The following SMG5 variants were observed in gnomAD, a reference collection of about 807,000 sequenced individuals.
The protein encoded by SMG5 is nonsense-mediated mRNA decay factor SMG5.
A neutral mutation model predicts 122.9 loss-of-function variants in SMG5; 53 were observed. The observed-to-expected ratio is 0.43, with a 90% CI of 0.35 to 0.54. The LOEUF is 0.54. Ranked by LOEUF, SMG5 falls within the 20% of genes least tolerant of loss-of-function variation. The probability of loss-of-function intolerance (pLI) is 0.01; values close to 1 mark genes in which losing one functional copy is unlikely to be tolerated. For missense variants in SMG5, 1,153 were observed against 1,285.6 expected, an observed-to-expected ratio of 0.90 and a Z score of 1.58; for synonymous variants, 477 against 490.2, an observed-to-expected ratio of 0.97 and a Z score of 0.35.
intron 13 of SMG5, among the ~76,000 whole-genome samples, chr1:156,262,515 C>A (rs1023403916): frequency 1.3e-5 from 2 of 149,122 alleles, no homozygotes; most frequent in African/African-American, 5.0e-5. Context: ...AGCAGCGAAA[C>A]CACAAGGACT....
chr1:156,286,601 GA>G (rs1292613654), upstream of SMG5: 2 of 906,118 alleles, frequency 2.2e-6, no homozygotes, highest in African/African-American at 3.3e-5. Flanking sequence ...GTGCCCTGGG[GA>G]GATAAGTCCA....
intron 16 of SMG5, among the ~76,000 whole-genome samples, chr1:156,254,332 T>C (rs775087974): frequency 7.9e-5 from 12 of 152,210 alleles, no homozygotes; most frequent in Non-Finnish European, 1.5e-4. Flanking sequence ...CTGATGCCTT[T>C]CCTCTGTATT....
chr1:156,267,577 C>T lies in SMG5; in HGVS notation c.1010G>A (p.Ser337Asn). 2.5e-6 allele frequency: 4 copies of T among 1,614,088 alleles called. No individual in the cohort carries two copies. The highest frequency in any genetic ancestry group is 1.1e-5 in the South Asian group (1 of 91,070). Residue 337 changes from serine (S) to asparagine (N), a missense_variant, in exon 10 of 22, where the codon AGT (serine) becomes AAT (asparagine). Coordinates refer to ENST00000361813, the MANE Select transcript of SMG5 (RefSeq NM_015327.3). ...ACTCTCATACTCCTCCTCATCCTCACTGGCCAGGCTGAGGTTGGGTGAGGA... is the reference window on the plus strand; with the variant it reads ...ACTCTCATACTCCTCCTCATCCTCATTGGCCAGGCTGAGGTTGGGTGAGGA... ...LPSSPNLSLA[S>N]EDEEEYESGY...
Position 156,261,396 on chromosome 1 carries a change from G to A in SMG5, c.2044C>T (p.Leu682=). Residue 682 remains leucine (L), a synonymous_variant, in exon 14 of 22, where the codon CTG becomes TTG. Transcript: ENST00000361813. ...IIVCAQSSQS[L]WNRLSVLLNL... is the part of the protein sequence containing the mutation. Reference sequence around the variant, plus strand: ...AGCAACACAGACAGGCGGTTCCACAGACTTTGAGAGCTCTGGGGAGAGAGA... The same window carrying A: ...AGCAACACAGACAGGCGGTTCCACAAACTTTGAGAGCTCTGGGGAGAGAGA... The A allele has an allele frequency of 6.2e-7, 1 of 1,614,142 alleles. No homozygotes were observed. Among genetic ancestry groups the A allele is most frequent in the South Asian group, 1.1e-5 (1 of 91,078 alleles).
intron 14 of SMG5, 125 bp downstream of exon 14, chr1:156,261,208 G>C: frequency 1.1e-6 from 1 of 873,024 alleles, no homozygotes; most frequent in Non-Finnish European, 1.9e-6. Context: ...CTGTGTGCTA[G>C]GGAGGCTGGC....
In SMG5 at chr1:156,268,298, G is replaced by A. The variant is rs1353909054; in HGVS notation, c.831C>T (p.Gly277=). ...TCACAGGCCCCACTCACCGCTTTTT[G>A]CCAGGAGACAGTTTCCGAGTCTCAC... The part of the protein sequence containing the change: ...KKCETRKLSP[G]KKRCKDIKRL... Residue 277 remains glycine, a synonymous_variant, in exon 8 of 22, where the codon GGC becomes GGT. Transcript: ENST00000361813. 8.7e-6 allele frequency: 14 copies of A among 1,613,870 alleles called. No homozygotes were observed. Among genetic ancestry groups the A allele is most frequent in the Non-Finnish European group, 1.2e-5 (14 of 1,179,978 alleles).
rs1014444245 is a variant in SMG5 at position 156,270,725 on chromosome 1, C to T, written c.713+1595G>A. On this transcript the variant is annotated intron_variant, in intron 7 of 21. Coordinates refer to ENST00000361813, the MANE Select transcript of SMG5 (RefSeq NM_015327.3). ...AGGCATTTAAGAAATGGGAAAGATA[C>T]AGCCGGGCACGGTGGCTCACGCCTG... 3.3e-5 allele frequency among the ~76,000 whole-genome samples: 5 copies of T among 152,064 alleles called. 1 individual carries two copies. Among genetic ancestry groups the T allele is most frequent in the Admixed American group, 3.3e-4 (5 of 15,242 alleles).
At chr1:156,254,651 C>T (rs1661498174) in intron 16 of SMG5, among the ~76,000 whole-genome samples, 1 of 152,128 alleles carries the variant, frequency 6.6e-6, no homozygotes, top group Admixed American at 6.5e-5. Flanking sequence ...ACCATATTGC[C>T]CAGGCTGGTC....
At chr1:156,268,891 G>A (rs1476518442) in intron 7 of SMG5, among the ~76,000 whole-genome samples, 1 of 152,038 alleles carries the variant, frequency 6.6e-6, no homozygotes, top group Non-Finnish European at 1.5e-5. Context: ...CACAGATGAG[G>A]ACACATAGCC....
chr1:156,278,026 G>A lies in SMG5; in HGVS notation c.196C>T (p.Leu66Phe). The A allele has an allele frequency of 6.2e-7, 1 of 1,614,144 alleles. No homozygotes were observed. Among genetic ancestry groups the A allele is most frequent in the Non-Finnish European group, 8.5e-7 (1 of 1,180,006 alleles). ...RNKLRELCVK[L>F]MFLHPVDYGR... ...TAGTCCACTGGGTGCAGGAACATAA[G>A]CTTGACGCAGAGCTCACGCAGCCTG... Residue 66 changes from leucine to phenylalanine, a missense_variant, in exon 3 of 22, where the codon CTT becomes TTT. Coordinates refer to ENST00000361813, the MANE Select transcript of SMG5 (RefSeq NM_015327.3).
chr1:156,286,047 TGTG>T, upstream of SMG5: 5 of 1,545,324 alleles, frequency 3.2e-6, no homozygotes, highest in Non-Finnish European at 4.4e-6. Flanking sequence ...GCCTGGCTGG[TGTG>T]GGGAGCAGGA....
chr1:156,261,849 C>G (rs1661852873), intron 13 of SMG5, among the ~76,000 whole-genome samples: 1 of 145,442 alleles, frequency 6.9e-6, no homozygotes, highest in Admixed American at 7.0e-5. Flanking sequence ...GAGACTGTGC[C>G]ATTGCACTCC....
At chr1:156,282,930 T>C, upstream of SMG5, 1 of 551,256 alleles carries the variant, frequency 1.8e-6, no homozygotes, top group Non-Finnish European at 3.2e-6. Flanking sequence ...TCCCGGGAAG[T>C]TGCCAGAACT....
intron 13 of SMG5, among the ~76,000 whole-genome samples, chr1:156,262,450 TG>T (rs1240743225): frequency 1.6e-5 from 2 of 127,918 alleles, no homozygotes; most frequent in Non-Finnish European, 3.1e-5. Context: ...CACTCCAGCC[TG>T]GGCGACAGAG....
intron 14 of SMG5, among the ~76,000 whole-genome samples, chr1:156,260,975 G>A (rs1246768182): frequency 1.3e-5 from 2 of 152,218 alleles, no homozygotes; most frequent in East Asian, 3.8e-4. Context: ...CAGCTGGAAG[G>A]TGGTAGGAGA....
At position 156,277,092 on chromosome 1, in the gene SMG5, G is replaced by A. The variant is rs1245837759; in HGVS notation, c.447C>T (p.Pro149=). The change falls in exon 4 of 22, where the codon CCC becomes CCT. Residue 149 remains proline (P), a synonymous_variant. Transcript: ENST00000361813. ...CCIDWTHVTD[P]LIGCKKPVSA... ...CTTTCAGGTTCCACTGACCTATGAG[G>A]GGGTCAGTGACATGGGTCCAGTCGA... The A allele has an allele frequency of 6.2e-7, 1 of 1,613,292 alleles. No homozygotes were observed. The highest frequency in any genetic ancestry group is 8.5e-7 in the Non-Finnish European group (1 of 1,179,660).
At chr1:156,281,660 A>G (rs901700100) in intron 1 of SMG5, among the ~76,000 whole-genome samples, 1 of 152,220 alleles carries the variant, frequency 6.6e-6, no homozygotes, top group Non-Finnish European at 1.5e-5. Context: ...TCTCATGCAA[A>G]TATCCGTGTT....
chr1:156,252,299 A>C, intron 19 of SMG5, 115 bp downstream of exon 19: 1 of 868,702 alleles, frequency 1.2e-6, no homozygotes, highest in Non-Finnish European at 1.9e-6. Context: ...GCTAACTGTG[A>C]GTAGAGACGG....
chr1:156,250,803 G>A, intron 21 of SMG5, 55 bp downstream of exon 21: 1 of 1,609,370 alleles, frequency 6.2e-7, no homozygotes, highest in East Asian at 2.2e-5. Flanking sequence ...GATGGAGTCT[G>A]CTCTGGTACC....
Sources: gnomAD v4.1 joint callset for allele counts (sites outside exome capture counted in the v4.1 genomes callset) on GRCh38, gnomAD v4.1.1 for gene constraint, MANE v1.5 for transcripts, NCBI Gene and HGNC (gene_info 2026-07-23, HGNC 2026-07-21) for gene names.